The following SYT17 variants were observed in gnomAD, a reference collection of about 807,000 sequenced individuals.
The protein encoded by SYT17 is synaptotagmin-17.
A neutral mutation model predicts 46.7 loss-of-function variants in SYT17; 22 were observed. The ratio of observed to expected loss-of-function variants is 0.47; its 90% CI spans 0.34 to 0.67. The LOEUF (loss-of-function observed/expected upper bound fraction) is 0.67, where lower values mean the gene tolerates loss of function less well. Ranked by LOEUF, SYT17 falls within the 30% of genes least tolerant of loss-of-function variation. The probability of loss-of-function intolerance (pLI) is 0.01; values close to 1 mark genes in which losing one functional copy is unlikely to be tolerated. For synonymous variants in SYT17, 251 were observed against 248.4 expected, an observed-to-expected ratio of 1.01 and a Z score of -0.10; for missense variants, 519 against 612.8, an observed-to-expected ratio of 0.85 and a Z score of 1.62.
At chr16:19,180,656 A>C in intron 4 of SYT17, 117 bp downstream of exon 4, 2 of 1,235,342 alleles carry the variant, frequency 1.6e-6, no homozygotes, top group Non-Finnish European at 2.3e-6. Context: ...GTGGGATGAC[A>C]GTCCAGGAGA....
At chr16:19,177,525 A>T (rs1217698192) in intron 3 of SYT17, among the ~76,000 whole-genome samples, 2 of 152,218 alleles carry the variant, frequency 1.3e-5, no homozygotes, top group Non-Finnish European at 2.9e-5. Context: ...GCTGCATGTT[A>T]TCAAACAGAC....
At position 19,252,367 on chromosome 16, in the gene SYT17, A is replaced by ATG. The variant is rs1968150546; in HGVS notation, c.1229-14512_1229-14511insGT. Among the ~76,000 whole-genome samples the ATG allele has an allele frequency of 3.5e-5, 2 of 56,742 alleles. 1 individual carries two copies. Among genetic ancestry groups the ATG allele is most frequent in the Admixed American group, 4.4e-4 (2 of 4,578 alleles). 37.2% of individuals were successfully genotyped at this position (56,742 alleles called of 152,430 possible). On this transcript the variant is annotated intron_variant, in intron 7 of 7. Transcript: ENST00000355377. ...GGTGCTGCCATATACACATATATATATACATATATATACATATATATATAT... is the reference window on the plus strand; with the variant it reads ...GGTGCTGCCATATACACATATATATATGTACATATATATACATATATATATAT...
chr16:19,218,159 A>C (rs1339088427), intron 5 of SYT17, among the ~76,000 whole-genome samples: 1 of 152,240 alleles, frequency 6.6e-6, no homozygotes, highest in African/African-American at 2.4e-5. Context: ...CAGTGCCAGG[A>C]CTATGGTGAT....
At chr16:19,246,610 G>A (rs1486153620) in intron 7 of SYT17, among the ~76,000 whole-genome samples, 3 of 152,074 alleles carry the variant, frequency 2.0e-5, no homozygotes, top group Admixed American at 6.6e-5. Context: ...ATGTGTGTGC[G>A]TGGTATGTAT....
chr16:19,211,469 G>A (rs1057202849), intron 5 of SYT17: 5 of 703,716 alleles, frequency 7.1e-6, no homozygotes, highest in South Asian at 3.0e-5. Flanking sequence ...ACCAAGTACC[G>A]TGAAGGAAAT....
intron 7 of SYT17, among the ~76,000 whole-genome samples, chr16:19,256,505 A>G (rs1474132989): frequency 3.4e-5 from 5 of 145,724 alleles, no homozygotes; most frequent in Non-Finnish European, 7.5e-5. Flanking sequence ...CTATTACCCA[A>G]TCTGGCCCTT....
chr16:19,194,706 C>T (rs73532737), intron 5 of SYT17, among the ~76,000 whole-genome samples: 14,462 of 152,174 alleles, frequency 0.095, 895 homozygotes, highest in African/African-American at 0.18. Flanking sequence ...GTGATCCTCC[C>T]GCCTCAGCCT....
At chr16:19,180,368 T>C in intron 3 of SYT17, 23 bp from the exon 4 acceptor site, 2 of 1,613,566 alleles carry the variant, frequency 1.2e-6, no homozygotes, top group South Asian at 1.1e-5. Flanking sequence ...GGACAGCTAC[T>C]GAGACCTCTT....
chr16:19,211,820 G>C lies in SYT17; in HGVS notation c.952-11225G>C, dbSNP rs28668781. Among the ~76,000 whole-genome samples, 78 of 151,754 alleles carry C rather than the reference G, an allele frequency of 5.1e-4. 1 individual carries two copies. In the South Asian group the frequency reaches 8.1e-3, roughly 16 times the overall value. On this transcript the variant is annotated intron_variant, in intron 5 of 7. Transcript: ENST00000355377. ...TTTTTGTATTTTTAGTAGAGACTCG[G>C]TTTCACTGTGTTAGCCAGGATGGTC...
At chr16:19,261,581 T>A (rs1044901993) in intron 7 of SYT17, among the ~76,000 whole-genome samples, 2 of 152,266 alleles carry the variant, frequency 1.3e-5, no homozygotes, top group Admixed American at 6.5e-5. Context: ...AAATAATATG[T>A]ACTTTCTGTA....
In SYT17 at chr16:19,172,981, C is replaced by T. The variant is rs775245827; in HGVS notation, c.33+204C>T. The T allele has an allele frequency of 2.4e-4, 149 of 629,534 alleles. No homozygotes were observed. The Middle Eastern group carries it at 2.4e-3, about 10-fold the overall frequency. 39.0% of individuals were successfully genotyped at this position (629,534 alleles called of 1,614,324 possible). A position where few individuals can be genotyped will look rare whatever the true frequency, so the allele number is the denominator to read the frequency against. On this transcript the variant is annotated intron_variant, in intron 2 of 7. Transcript: ENST00000355377. ...AGTTGACAAGACAAGTTTCCCTCTC[C>T]ACCCCTACTTATTCCGTTTGATTAT...
intron 7 of SYT17, 142 bp downstream of exon 7, chr16:19,224,980 A>C: frequency 2.2e-6 from 2 of 894,124 alleles, no homozygotes; most frequent in Non-Finnish European, 3.4e-6. Context: ...CCCACTTAAC[A>C]TCTATGAACT....
rs140725661 is a variant in SYT17 at position 19,192,380 on chromosome 16, C to T, written c.951+8233C>T. Among the ~76,000 whole-genome samples, 1,139 of 151,990 alleles carry T rather than the reference C, an allele frequency of 7.5e-3. 10 individuals carry two copies. Among genetic ancestry groups the T allele is most frequent in the African/African-American group, 0.026 (1,062 of 41,470 alleles). ...AGGCTGCAGTGAGCCAAGATCGCAC[C>T]ACTGCACTCCAGTCTGGACAGCAGA... On this transcript the variant is annotated intron_variant, in intron 5 of 7. Transcript: ENST00000355377.
chr16:19,213,502 C>T (rs990500764), intron 5 of SYT17, among the ~76,000 whole-genome samples: 1 of 152,116 alleles, frequency 6.6e-6, no homozygotes, highest in Non-Finnish European at 1.5e-5. Context: ...GTACAGAGAG[C>T]AAGGAAGTTT....
At chr16:19,197,686 A>G (rs1286205500) in intron 5 of SYT17, among the ~76,000 whole-genome samples, 1 of 152,134 alleles carries the variant, frequency 6.6e-6, no homozygotes, top group African/African-American at 2.4e-5. Context: ...TTGGTCTCCC[A>G]AAGTGCAAGG....
At chr16:19,222,920 TC>T in intron 5 of SYT17, 124 bp from the exon 6 acceptor site, 1 of 1,244,596 alleles carries the variant, frequency 8.0e-7, no homozygotes, top group Non-Finnish European at 1.1e-6. Flanking sequence ...ACACAGAGGC[TC>T]CCACTGTCAA....
chr16:19,235,945 C>G (rs1161154822), intron 7 of SYT17, among the ~76,000 whole-genome samples: 1 of 152,040 alleles, frequency 6.6e-6, no homozygotes, highest in Admixed American at 6.6e-5. Context: ...GGAGAAATAT[C>G]AAAAAGGTTT....
intron 5 of SYT17, among the ~76,000 whole-genome samples, chr16:19,204,377 A>C (rs973450139): frequency 6.6e-6 from 1 of 152,164 alleles, no homozygotes; most frequent in South Asian, 2.1e-4. Flanking sequence ...TTGGACAGGC[A>C]TGGGGGGCTT....
intron 7 of SYT17, among the ~76,000 whole-genome samples, chr16:19,255,177 G>A (rs895874658): frequency 4.6e-5 from 7 of 152,174 alleles, no homozygotes; most frequent in African/African-American, 1.7e-4. Flanking sequence ...CCTTTACCCT[G>A]TGAATCTGCC....
Sources: gnomAD v4.1 joint callset for allele counts (sites outside exome capture counted in the v4.1 genomes callset) on GRCh38, gnomAD v4.1.1 for gene constraint, MANE v1.5 for transcripts, NCBI Gene and HGNC (gene_info 2026-07-23, HGNC 2026-07-21) for gene names.